The following RBFOX1 variants were observed in gnomAD, a reference collection of about 807,000 sequenced individuals.
The protein encoded by RBFOX1 is RNA binding protein fox-1 homolog 1.
A neutral mutation model predicts 57.7 loss-of-function variants in RBFOX1; 8 were observed. The ratio of observed to expected loss-of-function variants is 0.14; its 90% CI spans 0.08 to 0.25. The LOEUF is 0.25. Ranked by LOEUF, RBFOX1 falls within the 10% of genes least tolerant of loss-of-function variation. RBFOX1 has a pLI of 1.00. For synonymous variants in RBFOX1, 326 were observed against 222.4 expected (o/e 1.47, Z -4.15); for missense variants, 611 against 548.5 (o/e 1.11, Z -1.14).
intron 3 of RBFOX1, among the ~76,000 whole-genome samples, chr16:6,672,035 A>T (rs914774781): frequency 4.6e-5 from 7 of 152,198 alleles, no homozygotes; most frequent in African/African-American, 1.7e-4. Flanking sequence ...AATGTTTCTG[A>T]CATTATTTGG....
chr16:6,279,391 T>C (rs1259721473), intron 1 of RBFOX1, among the ~76,000 whole-genome samples: 1 of 152,216 alleles, frequency 6.6e-6, no homozygotes, highest in Non-Finnish European at 1.5e-5. Flanking sequence ...TGTAGATTCC[T>C]GAGCATGAGA....
At chr16:7,099,264 A>C (rs1372259769) in intron 4 of RBFOX1, among the ~76,000 whole-genome samples, 3 of 152,060 alleles carry the variant, frequency 2.0e-5, no homozygotes, top group African/African-American at 4.8e-5. Flanking sequence ...AGGAGAGATC[A>C]CTCTAGCTGC....
At chr16:7,352,103 T>G (rs1419021190) in intron 4 of RBFOX1, among the ~76,000 whole-genome samples, 1 of 152,126 alleles carries the variant, frequency 6.6e-6, no homozygotes, top group East Asian at 1.9e-4. Context: ...GTGTATCATT[T>G]CCACTTGATT....
At chr16:6,904,064 G>A (rs539330840) in intron 3 of RBFOX1, among the ~76,000 whole-genome samples, 3 of 152,076 alleles carry the variant, frequency 2.0e-5, no homozygotes, top group Non-Finnish European at 2.9e-5. Flanking sequence ...ACCCCCATGG[G>A]GGCTGTGCGG....
intron 3 of RBFOX1, among the ~76,000 whole-genome samples, chr16:6,748,623 C>T (rs971861558): frequency 6.6e-6 from 1 of 152,308 alleles, no homozygotes; most frequent in South Asian, 2.1e-4. Flanking sequence ...TACACCACTG[C>T]ACTCCAGCCT....
At chr16:6,944,364 C>T (rs538911155) in intron 3 of RBFOX1, among the ~76,000 whole-genome samples, 3 of 148,658 alleles carry the variant, frequency 2.0e-5, no homozygotes, top group South Asian at 2.1e-4. Context: ...CGTTGTACTC[C>T]AGCCTGGCAA....
chr16:5,844,206 A>G (rs1308698906), intron 3 of RBFOX1, among the ~76,000 whole-genome samples: 2 of 152,206 alleles, frequency 1.3e-5, no homozygotes, highest in East Asian at 1.9e-4. Context: ...ACAGTTTACC[A>G]TGAGGGTTAT....
chr16:7,231,477 C>G (rs188049147), intron 4 of RBFOX1, among the ~76,000 whole-genome samples: 170 of 152,280 alleles, frequency 1.1e-3, no homozygotes, highest in African/African-American at 3.5e-3. Context: ...TTTTAAAAGG[C>G]AGTTCCTCGG....
intron 4 of RBFOX1, among the ~76,000 whole-genome samples, chr16:7,286,610 T>C (rs1239079296): frequency 2.0e-5 from 3 of 146,938 alleles, no homozygotes; most frequent in Admixed American, 6.9e-5. Context: ...CCACCAGGAC[T>C]GGCTAATTTT....
intron 4 of RBFOX1, among the ~76,000 whole-genome samples, chr16:7,237,284 C>A (rs779519116): frequency 1.3e-5 from 2 of 152,170 alleles, no homozygotes; most frequent in Admixed American, 6.5e-5. Flanking sequence ...GCTCTTCCGT[C>A]CTCTCTCCCT....
At chr16:6,179,031 C>T (rs1269670052) in intron 1 of RBFOX1, among the ~76,000 whole-genome samples, 2 of 152,254 alleles carry the variant, frequency 1.3e-5, no homozygotes, top group East Asian at 1.9e-4. Flanking sequence ...ATCTGGAGAC[C>T]ATCATGGGCT....
At chr16:6,997,918 G>A (rs998877667) in intron 3 of RBFOX1, among the ~76,000 whole-genome samples, 2 of 151,956 alleles carry the variant, frequency 1.3e-5, no homozygotes, top group Non-Finnish European at 2.9e-5. Context: ...TTAGAAAAAG[G>A]TTAAAAGAAT....
chr16:7,556,547 T>C (rs905611874), intron 5 of RBFOX1, among the ~76,000 whole-genome samples: 7 of 152,232 alleles, frequency 4.6e-5, no homozygotes, highest in African/African-American at 1.7e-4. Flanking sequence ...TTCCCCTTCA[T>C]GGGCCTATCT....
At chr16:7,705,755 A>G (rs2148424169) in intron 14 of RBFOX1, among the ~76,000 whole-genome samples, 1 of 152,302 alleles carries the variant, frequency 6.6e-6, no homozygotes, top group Admixed American at 6.5e-5. Context: ...AAGAGTTGAA[A>G]AAATGAGACA....
chr16:5,679,384 G>A (rs1000855886), intron 3 of RBFOX1, among the ~76,000 whole-genome samples: 1 of 151,220 alleles, frequency 6.6e-6, no homozygotes, highest in African/African-American at 2.4e-5. Context: ...AGTACAGAAT[G>A]TACAGGTTTG....
intron 4 of RBFOX1, among the ~76,000 whole-genome samples, chr16:5,922,001 A>T (rs953366569): frequency 2.0e-5 from 3 of 151,976 alleles, no homozygotes; most frequent in African/African-American, 7.3e-5. Context: ...AAAAAAAACA[A>T]AAAAGAAAAA....
intron 2 of RBFOX1, among the ~76,000 whole-genome samples, chr16:5,517,932 G>A (rs1051258314): frequency 7.0e-6 from 1 of 143,256 alleles, no homozygotes; most frequent in African/African-American, 2.5e-5. Flanking sequence ...AAAAGCTACT[G>A]TGTGTGTGTG....
intron 5 of RBFOX1, among the ~76,000 whole-genome samples, chr16:7,552,746 G>A (rs951492507): frequency 2.0e-5 from 3 of 152,102 alleles, no homozygotes; most frequent in Admixed American, 2.0e-4. Context: ...GCAATGGCGT[G>A]ATCTCAGCTC....
intron 2 of RBFOX1, among the ~76,000 whole-genome samples, chr16:6,558,310 C>G (rs1483804566): frequency 6.6e-6 from 1 of 152,166 alleles, no homozygotes; most frequent in Non-Finnish European, 1.5e-5. Context: ...AGAGGCCTTA[C>G]AGAGCATGTT....
Sources: allele counts gnomAD v4.1 joint callset (sites outside exome capture counted in the v4.1 genomes callset), GRCh38; gene constraint gnomAD v4.1.1; transcripts MANE v1.5; gene names NCBI Gene and HGNC (gene_info 2026-07-23, HGNC 2026-07-21).